CDKN1C: variants seen among roughly 807,000 people sequenced by gnomAD.
CDKN1C encodes the protein cyclin dependent kinase inhibitor 1C.
Under a neutral mutation model 16.5 loss-of-function variants are expected in CDKN1C, and 7 were observed. That is an observed-to-expected ratio of 0.42 (90% confidence interval 0.24 to 0.80). The LOEUF is 0.80. CDKN1C is among the 30% of genes least tolerant of loss of function. The pLI is 0.26. For missense variants in CDKN1C, 429 were observed against 437.3 expected (o/e 0.98, Z 0.17); for synonymous variants, 288 against 214.4 (o/e 1.34, Z -3.00).
chr11:2,884,972 ACCGGAG>A lies in CDKN1C; in HGVS notation c.479_484del (p.Ala160_Pro161del), dbSNP rs1324090653. 7.1e-5 allele frequency: 42 copies of A among 591,020 alleles called. No homozygotes were observed. The highest frequency in any genetic ancestry group is 1.3e-3 in the Middle Eastern group (2 of 1,502). 36.6% of individuals were successfully genotyped at this position (591,020 alleles called of 1,614,324 possible). ...GGCCGGGGCCAGGACCGCGACCGCG[ACCGGAG>A]CCGCGACCGGAGCCGCGACCGGAGC... On this transcript the variant is annotated inframe_deletion, in exon 2 of 4. Transcript: ENST00000440480.
Position 2,884,815 on chromosome 11 carries a change from C to T in CDKN1C, c.642G>A (p.Glu214=), listed in dbSNP as rs2133782678. 1.4e-6 allele frequency: 2 copies of T among 1,402,076 alleles called. No homozygotes were observed. The allele number at this position is 1,402,076 out of a possible 1,614,324, so 86.9% of individuals were successfully genotyped here. ...APDAAPQESA[E]QGANQGQRGQ... ...CGCGCTGCCCCTGGTTCGCGCCCTG[C>T]TCGGCGCTCTCTTGAGGCGCCGCGT... The change falls in exon 2 of 4, where the codon GAG becomes GAA. Residue 214 remains glutamate (E), a synonymous_variant. Coordinates refer to ENST00000440480, the MANE Select transcript of CDKN1C (RefSeq NM_001122630.2).
At position 2,883,539 on chromosome 11, in the gene CDKN1C, G is replaced by A. The variant is rs1848851642; in HGVS notation, c.*382C>T. On this transcript the variant is annotated 3_prime_UTR_variant, in exon 4 of 4. Coordinates refer to ENST00000440480, the MANE Select transcript of CDKN1C (RefSeq NM_001122630.2). ...TGCGTGGCAGAGCGGTCCACGCCTG[G>A]ACATAAATAGAAAATATAAGTTAGT... 3.0e-6 allele frequency: 1 copy of A among 327,982 alleles called. No homozygotes were observed. The highest frequency in any genetic ancestry group is 5.4e-6 in the Non-Finnish European group (1 of 184,868). 20.3% of individuals were successfully genotyped at this position (327,982 alleles called of 1,614,324 possible). A position where few individuals can be genotyped will look rare whatever the true frequency, so the allele number is the denominator to read the frequency against.
At position 2,884,720 on chromosome 11, in the gene CDKN1C, G is replaced by C. The variant is rs878853642; in HGVS notation, c.737C>G (p.Ala246Gly). 1.3e-6 allele frequency: 2 copies of C among 1,505,050 alleles called. No homozygotes were observed. Among genetic ancestry groups the C allele is most frequent in the Admixed American group, 2.0e-5 (1 of 49,812 alleles). 93.2% of individuals were successfully genotyped at this position (1,505,050 alleles called of 1,614,324 possible). A position where few individuals can be genotyped will look rare whatever the true frequency, so the allele number is the denominator to read the frequency against. The part of the protein sequence containing the change: ...SGRPAAGTAA[A>G]SANGAAIKKL... ...CTTGATCGCCGCGCCGTTGGCGCTG[G>C]CGGCCGCGGTGCCGGCCGCGGGACG... is the stretch of plus-strand genomic sequence containing the variant. The change falls in exon 2 of 4, where the codon GCC becomes GGC. Residue 246 changes from alanine to glycine, a missense_variant. Transcript: ENST00000440480.
intron 1 of CDKN1C, 33 bp from the exon 2 acceptor site, chr11:2,885,499 C>T: frequency 6.5e-7 from 1 of 1,541,320 alleles, no homozygotes; most frequent in Non-Finnish European, 8.7e-7. Flanking sequence ...TGGCCCGGGG[C>T]TGCGCAAACG....
chr11:2,884,860 GGGGGCCGGGGCC>G lies in CDKN1C; in HGVS notation c.585_596del (p.Ala202_Pro205del), dbSNP rs759134767. On this transcript the variant is annotated inframe_deletion, in exon 2 of 4. Coordinates refer to ENST00000440480, the MANE Select transcript of CDKN1C (RefSeq NM_001122630.2). The stretch of plus-strand genomic sequence containing the variant: ...CCGCGTCCGGGGCCGGGGCCGGGGC[GGGGGCCGGGGCC>G]GGGGCCGGGGCCGGGGCTGGGGCCG... 24,065 of 1,022,736 alleles carry G rather than the reference GGGGGCCGGGGCC, an allele frequency of 0.024. 474 individuals carry two copies. The highest frequency in any genetic ancestry group is 0.027 in the Non-Finnish European group (22,273 of 834,908). 63.4% of individuals were successfully genotyped at this position (1,022,736 alleles called of 1,614,324 possible). A position where few individuals can be genotyped will look rare whatever the true frequency, so the allele number is the denominator to read the frequency against.
chr11:2,884,740 G>T lies in CDKN1C; in HGVS notation c.717C>A (p.Pro239=), dbSNP rs1156886923. ...CGCTGGCGGCCGCGGTGCCGGCCGCGGGACGTCCCGAAATCCCCGAGTGCA... is the reference window on the plus strand; with the variant it reads ...CGCTGGCGGCCGCGGTGCCGGCCGCTGGACGTCCCGAAATCCCCGAGTGCA... ...DQLHSGISGR[P]AAGTAAASAN... is the part of the protein sequence containing the mutation. Residue 239 remains proline (P), a synonymous_variant, in exon 2 of 4, where the codon CCC becomes CCA. Transcript: ENST00000440480. The T allele has an allele frequency of 1.3e-6, 2 of 1,509,214 alleles. No individual in the cohort carries two copies. The highest frequency in any genetic ancestry group is 2.8e-5 in the East Asian group (1 of 36,196). 93.5% of individuals were successfully genotyped at this position (1,509,214 alleles called of 1,614,324 possible).
rs1564930907 is a variant in CDKN1C at position 2,885,473 on chromosome 11, A to AG, written c.-10-8dup. 2 of 1,544,604 alleles carry AG rather than the reference A, an allele frequency of 1.3e-6. No homozygotes were observed. Among genetic ancestry groups the AG allele is most frequent in the East Asian group, 2.4e-5 (1 of 40,942 alleles). Reference sequence around the variant, plus strand: ...ACGCTCCATCGTGGATGTGCTGCGGAGGGACGCGTCGGACATGGCCCGGGG... The same window carrying AG: ...ACGCTCCATCGTGGATGTGCTGCGGAGGGGACGCGTCGGACATGGCCCGGGG... On this transcript the variant is annotated splice_region_variant and splice_polypyrimidine_tract_variant and intron_variant, in intron 1 of 3. Transcript: ENST00000440480.
chr11:2,883,874 C>T lies in CDKN1C; in HGVS notation c.*47G>A, dbSNP rs1848863397. On this transcript the variant is annotated 3_prime_UTR_variant, in exon 4 of 4. Coordinates refer to ENST00000440480, the MANE Select transcript of CDKN1C (RefSeq NM_001122630.2). Reference sequence around the variant, plus strand: ...CGAGGCCCAGCGCCCTTCCAACGTCCGCTGCCCCGGCAGGTTCCCTCGGGG... The same window carrying T: ...CGAGGCCCAGCGCCCTTCCAACGTCTGCTGCCCCGGCAGGTTCCCTCGGGG... 1 of 1,562,124 alleles carries T rather than the reference C, an allele frequency of 6.4e-7. No individual in the cohort carries two copies. Among genetic ancestry groups the T allele is most frequent in the Non-Finnish European group, 8.7e-7 (1 of 1,153,536 alleles).
At chr11:2,885,515 A>G (rs760758691) in intron 1 of CDKN1C, 49 bp from the exon 2 acceptor site, 1 of 1,539,192 alleles carries the variant, frequency 6.5e-7, no homozygotes, top group East Asian at 2.4e-5. Flanking sequence ...AAACGCGGGC[A>G]GCGAGAGAGG....
In CDKN1C at chr11:2,884,939, G is replaced by A. The variant is rs1050598447; in HGVS notation, c.518C>T (p.Pro173Leu). 6.3e-6 allele frequency: 6 copies of A among 959,034 alleles called. No individual in the cohort carries two copies. Among genetic ancestry groups the A allele is most frequent in the African/African-American group, 3.5e-5 (2 of 56,372 alleles). The allele number at this position is 959,034 out of a possible 1,614,324, so 59.4% of individuals were successfully genotyped here. The change falls in exon 2 of 4, where the codon CCG becomes CTG. Residue 173 changes from proline (P) to leucine (L), a missense_variant. By Grantham distance (98) the Pro-to-Leu change is moderately conservative. Coordinates refer to ENST00000440480, the MANE Select transcript of CDKN1C (RefSeq NM_001122630.2). ...AVAVLAPAPA[P>L]APAPAPAPAP... ...CGGGGCCGGAGCCGGAGCCGGAGCC[G>A]GGGCCGGGGCCGGGGCCAGGACCGC...
In CDKN1C at chr11:2,883,854, C is replaced by G; in HGVS notation, c.*67G>C. ...GCTACATGAACGGTCCCAGCCGAGGCCCAGCGCCCTTCCAACGTCCGCTGC... is the reference window on the plus strand; with the variant it reads ...GCTACATGAACGGTCCCAGCCGAGGGCCAGCGCCCTTCCAACGTCCGCTGC... On this transcript the variant is annotated 3_prime_UTR_variant, in exon 4 of 4. Coordinates refer to ENST00000440480, the MANE Select transcript of CDKN1C (RefSeq NM_001122630.2). 1.3e-6 allele frequency: 2 copies of G among 1,549,590 alleles called. No individual in the cohort carries two copies. The highest frequency in any genetic ancestry group is 2.4e-5 in the South Asian group (2 of 84,540).
At position 2,884,211 on chromosome 11, in the gene CDKN1C, G is replaced by T. The variant is rs1212961691; in HGVS notation, c.788-77C>A. 2.6e-6 allele frequency: 3 copies of T among 1,167,654 alleles called. No homozygotes were observed. In the African/African-American group the frequency reaches 4.8e-5, roughly 19 times the overall value. The allele number at this position is 1,167,654 out of a possible 1,614,324, so 72.3% of individuals were successfully genotyped here. On this transcript the variant is annotated intron_variant, in intron 2 of 3. Coordinates refer to ENST00000440480, the MANE Select transcript of CDKN1C (RefSeq NM_001122630.2). ...CGAGAGGGGGCCGGGAGAGGGCGCG[G>T]GGCGCGGGCCGGCCGGGGTGGGGGC... is the stretch of plus-strand genomic sequence containing the variant.
In CDKN1C at chr11:2,885,059, G is replaced by A. The variant is rs1848956315; in HGVS notation, c.398C>T (p.Pro133Leu). The stretch of plus-strand genomic sequence containing the variant: ...CGGGACTGGGGGCGGGGTGGACGCC[G>A]GGGCCGGGACCGGGACACTAGGCAG... ...EQLPSVPVPAPASTPPPVPVL... is the reference protein window; with the variant it reads ...EQLPSVPVPALASTPPPVPVL... The change falls in exon 2 of 4, where the codon CCG (proline) becomes CTG (leucine). Residue 133 changes from proline (P) to leucine (L), a missense_variant. Coordinates refer to ENST00000440480, the MANE Select transcript of CDKN1C (RefSeq NM_001122630.2). 7.4e-7 allele frequency: 1 copy of A among 1,349,674 alleles called. No homozygotes were observed. The highest frequency in any genetic ancestry group is 1.8e-5 in the South Asian group (1 of 54,258). The allele number at this position is 1,349,674 out of a possible 1,614,324, so 83.6% of individuals were successfully genotyped here. A position where few individuals can be genotyped will look rare whatever the true frequency, so the allele number is the denominator to read the frequency against.
At position 2,883,871 on chromosome 11, in the gene CDKN1C, G is replaced by A. The variant is rs775842083; in HGVS notation, c.*50C>T. The A allele has an allele frequency of 2.6e-6, 4 of 1,559,952 alleles. No homozygotes were observed. Among genetic ancestry groups the A allele is most frequent in the East Asian group, 2.4e-5 (1 of 41,896 alleles). On this transcript the variant is annotated 3_prime_UTR_variant, in exon 4 of 4. Transcript: ENST00000440480. ...AGCCGAGGCCCAGCGCCCTTCCAAC[G>A]TCCGCTGCCCCGGCAGGTTCCCTCG...
Position 2,884,100 on chromosome 11 carries a change from C to T in CDKN1C, c.822G>A (p.Glu274=). ...FFAKRKRSAP[E]KSSGDVPAPC... is the part of the protein sequence containing the mutation. ...GCGCGGGGACATCGCCCGACGACTT[C>T]TCAGGCGCTGATCTCTTGCGCTTGG... Residue 274 remains glutamate, a synonymous_variant, in exon 3 of 4, where the codon GAG becomes GAA. Coordinates refer to ENST00000440480, the MANE Select transcript of CDKN1C (RefSeq NM_001122630.2). 2.0e-6 allele frequency: 3 copies of T among 1,537,004 alleles called. No individual in the cohort carries two copies. In the South Asian group the frequency reaches 3.6e-5, roughly 18 times the overall value.
At position 2,884,908 on chromosome 11, in the gene CDKN1C, TGGAGCCGGGGCCGGAGCC is replaced by T. The variant is rs1590149766; in HGVS notation, c.531_548del (p.Ala178_Pro183del). The T allele has an allele frequency of 1.3e-6, 1 of 769,960 alleles. No homozygotes were observed. Among genetic ancestry groups the T allele is most frequent in the Admixed American group, 6.6e-5 (1 of 15,116 alleles). 47.7% of individuals were successfully genotyped at this position (769,960 alleles called of 1,614,324 possible). ...CCGGGGCTGGGGCCGGGGCCGCGAC[TGGAGCCGGGGCCGGAGCC>T]GGAGCCGGAGCCGGGGCCGGGGCCG... On this transcript the variant is annotated inframe_deletion, in exon 2 of 4. Coordinates refer to ENST00000440480, the MANE Select transcript of CDKN1C (RefSeq NM_001122630.2).
chr11:2,883,974 GC>G (rs34289096), intron 3 of CDKN1C, 24 bp downstream of exon 3: 3 of 1,554,030 alleles, frequency 1.9e-6, no homozygotes, highest in South Asian at 2.4e-5. Flanking sequence ...GGCCCTCCGC[GC>G]CCCCCCAGGT....
rs878853632 is a variant in CDKN1C, at chr11:2,884,917, GGCCGGA to G, written c.534_539del (p.Ala182_Pro183del). Reference sequence around the variant, plus strand: ...GGGCCGGGGCCGCGACTGGAGCCGGGGCCGGAGCCGGAGCCGGAGCCGGGGCCGGGG... The same window carrying G: ...GGGCCGGGGCCGCGACTGGAGCCGGGGCCGGAGCCGGAGCCGGGGCCGGGG... On this transcript the variant is annotated inframe_deletion, in exon 2 of 4. Transcript: ENST00000440480. 4.4e-4 allele frequency: 385 copies of G among 882,284 alleles called. No individual in the cohort carries two copies. The highest frequency in any genetic ancestry group is 1.7e-3 in the Admixed American group (31 of 17,886). The allele number at this position is 882,284 out of a possible 1,614,324, so 54.7% of individuals were successfully genotyped here.
At chr11:2,885,541 G>A (rs1311399787) in intron 1 of CDKN1C, 75 bp from the exon 2 acceptor site, 4 of 1,534,282 alleles carry the variant, frequency 2.6e-6, no homozygotes, top group East Asian at 2.4e-5. Context: ...ACAGCGAGAA[G>A]AAGGGGAAAG....
Sources: gnomAD v4.1 joint callset for allele counts on GRCh38, gnomAD v4.1.1 for gene constraint, MANE v1.5 for transcripts, NCBI Gene and HGNC (gene_info 2026-07-23, HGNC 2026-07-21) for gene names.